Variants in FLCN observed in about 807,000 individuals in gnomAD.
FLCN encodes the protein BHD skin lesion fibrofolliculoma protein.
FLCN carries 22 observed loss-of-function variants against 62.5 expected under a neutral mutation model. The observed-to-expected ratio is 0.35, with a 90% CI of 0.25 to 0.50. The LOEUF is 0.50. FLCN is among the 20% of genes least tolerant of loss of function. The pLI is 0.97. For synonymous variants in FLCN, 319 were observed against 310.0 expected (o/e 1.03, Z -0.30); for missense variants, 657 against 778.0 (o/e 0.84, Z 1.85).
chr17:17,215,150 C>T, intron 12 of FLCN, 35 bp downstream of exon 12: 1 of 1,614,042 alleles, frequency 6.2e-7, no homozygotes, highest in East Asian at 2.2e-5. Context: ...GGGGCATCTT[C>T]TCACAAAAAG....
intron 13 of FLCN, among the ~76,000 whole-genome samples, chr17:17,214,322 G>A (rs1259985937): frequency 2.0e-5 from 3 of 151,738 alleles, no homozygotes; most frequent in South Asian, 2.1e-4. Flanking sequence ...GGGGCCAGGT[G>A]CAGTGGCTCA....
At chr17:17,219,359 C>A in intron 8 of FLCN, 150 bp from the exon 9 acceptor site, 1 of 442,450 alleles carries the variant, frequency 2.3e-6, no homozygotes, top group Admixed American at 2.4e-5. Flanking sequence ...TCTGGGAGCC[C>A]TGGGGTGGGA....
In FLCN at chr17:17,228,126, G is replaced by A. The variant is rs752123350; in HGVS notation, c.12C>T (p.Ile4=). 33 of 1,612,944 alleles carry A rather than the reference G, an allele frequency of 2.0e-5. No individual in the cohort carries two copies. Among genetic ancestry groups the A allele is most frequent in the Middle Eastern group, 1.6e-4 (1 of 6,062 alleles). MNA[I]VALCHFCELH... is the part of the protein sequence containing the mutation. The stretch of plus-strand genomic sequence containing the variant: ...GCTCGCAGAAGTGGCAGAGAGCCAC[G>A]ATGGCATTCATGGTGCCTTGGAGAC... The change falls in exon 4 of 14, where the codon ATC becomes ATT. Residue 4 remains isoleucine (I), a synonymous_variant. Coordinates refer to ENST00000285071, the MANE Select transcript of FLCN (RefSeq NM_144997.7).
chr17:17,219,990 G>GCCCTTCCTC (rs1429931672), intron 8 of FLCN: 1 of 152,142 alleles, frequency 6.6e-6, no homozygotes, highest in African/African-American at 2.4e-5. Flanking sequence ...AAGCATTTCA[G>GCCCTTCCTC]CCCTTCCTCC....
chr17:17,214,951 C>A, intron 13 of FLCN, 34 bp downstream of exon 13: 1 of 1,604,036 alleles, frequency 6.2e-7, no homozygotes, highest in Non-Finnish European at 8.5e-7. Context: ...TCCAGGGTCG[C>A]AAGCAAAGGG....
chr17:17,219,749 T>C (rs2047036297), intron 8 of FLCN: 1 of 160,132 alleles, frequency 6.2e-6, no homozygotes, highest in Non-Finnish European at 1.4e-5. Context: ...TTTTTTGGTA[T>C]TTTTAGTAGA....
chr17:17,234,152 G>A (rs903498967), intron 1 of FLCN, among the ~76,000 whole-genome samples: 1 of 151,424 alleles, frequency 6.6e-6, no homozygotes, highest in Non-Finnish European at 1.5e-5. Context: ...CAGAGGCAAC[G>A]CTGACAAGCC....
At chr17:17,228,263 TC>T in intron 3 of FLCN, 102 bp from the exon 4 acceptor site, 1 of 1,442,942 alleles carries the variant, frequency 6.9e-7, no homozygotes, top group African/African-American at 1.4e-5. Flanking sequence ...GCCATGGACT[TC>T]CTGCCCAGGA....
chr17:17,217,224 A>G (rs1359395964), intron 9 of FLCN, 42 bp from the exon 10 acceptor site: 11 of 1,344,172 alleles, frequency 8.2e-6, no homozygotes, highest in Non-Finnish European at 1.2e-5. Context: ...ACTAGTAGAA[A>G]TGGTTTTTCT....
intron 6 of FLCN, among the ~76,000 whole-genome samples, chr17:17,223,289 C>T (rs1039380983): frequency 1.3e-5 from 2 of 152,202 alleles, no homozygotes; most frequent in African/African-American, 4.8e-5. Context: ...GACGGGGTTT[C>T]TCCATGTTGG....
In FLCN at chr17:17,216,475, A is replaced by G. The variant is rs1597584543; in HGVS notation, c.1205T>C (p.Ile402Thr). 6.2e-7 allele frequency: 1 copy of G among 1,613,834 alleles called. No homozygotes were observed. The highest frequency in any genetic ancestry group is 8.5e-7 in the Non-Finnish European group (1 of 1,179,896). Residue 402 changes from isoleucine to threonine, a missense_variant, in exon 11 of 14, where the codon ATC (isoleucine) becomes ACC (threonine). Physicochemically the swap from Ile to Thr is moderately conservative, Grantham distance 89. Coordinates refer to ENST00000285071, the MANE Select transcript of FLCN (RefSeq NM_144997.7). This position sits in a 1 kb window ranked among gnomAD's most constrained non-coding sequence, Gnocchi z 4.0. ...CTCGTACTGGCTGCTGTATGGGATGATGCGGACGCAGCCCACGGGAAGCAT... is the reference window on the plus strand; with the variant it reads ...CTCGTACTGGCTGCTGTATGGGATGGTGCGGACGCAGCCCACGGGAAGCAT... ...RTMLPVGCVR[I>T]IPYSSQYEEA... is the part of the protein sequence containing the mutation.
chr17:17,217,028 T>C (rs2046946116), intron 10 of FLCN, 41 bp downstream of exon 10: 1 of 1,445,610 alleles, frequency 6.9e-7, no homozygotes, highest in African/African-American at 1.4e-5. Context: ...ACCAGGCCAA[T>C]ACTGCCCTGC....
chr17:17,225,949 G>A (rs994730355), intron 5 of FLCN: 9 of 669,474 alleles, frequency 1.3e-5, no homozygotes, highest in Admixed American at 4.7e-5. Context: ...TGCTTAAAGT[G>A]CAAAAGCTAG....
Position 17,215,191 on chromosome 17 carries a change from C to T in FLCN, c.1426G>A (p.Asp476Asn). The change falls in exon 12 of 14, where the codon GAC (aspartate) becomes AAC (asparagine). Residue 476 changes from aspartate (D) to asparagine (N), a missense_variant. Asp to Asn is a conservative substitution (Grantham distance 23). Transcript: ENST00000285071. ...TCTGCCTGGGGGCACCCACCTCGGT[C>T]TGCAGCTACAGGGCTCCCACTGGTC... ...VVTSGSPVAA[D>N]RVGPTILNKI... 4 of 1,614,156 alleles carry T rather than the reference C, an allele frequency of 2.5e-6. No individual in the cohort carries two copies. Among genetic ancestry groups the T allele is most frequent in the Non-Finnish European group, 3.4e-6 (4 of 1,180,030 alleles).
chr17:17,234,240 C>A (rs1219588935), intron 1 of FLCN, among the ~76,000 whole-genome samples: 1 of 138,236 alleles, frequency 7.2e-6, no homozygotes, highest in Non-Finnish European at 1.6e-5. Context: ...GCGGAAGGGT[C>A]TCATTCTGTT....
At chr17:17,221,908 T>C (rs1448989700) in intron 7 of FLCN, among the ~76,000 whole-genome samples, 1 of 152,120 alleles carries the variant, frequency 6.6e-6, no homozygotes, top group Non-Finnish European at 1.5e-5. Context: ...TGCAGTCACT[T>C]GTGAGACAAA....
Position 17,214,965 on chromosome 17 carries a change from T to A in FLCN, c.1538+20A>T. On this transcript the variant is annotated intron_variant, in intron 13 of 13. Transcript: ENST00000285071. ...CTCCAGGGTCGCAAGCAAAGGGGCC[T>A]CACCCACACTGTTGCTTACTTCATC... 3 of 1,610,558 alleles carry A rather than the reference T, an allele frequency of 1.9e-6. No individual in the cohort carries two copies. The highest frequency in any genetic ancestry group is 2.5e-6 in the Non-Finnish European group (3 of 1,177,316).
intron 6 of FLCN, 101 bp downstream of exon 6, chr17:17,223,814 TAAGCAGA>T (rs1031671539): frequency 4.5e-6 from 5 of 1,114,096 alleles, no homozygotes; most frequent in Non-Finnish European, 6.7e-6. Context: ...GCACTGGCTG[TAAGCAGA>T]GGGGAAGACG....
At position 17,216,332 on chromosome 17, in the gene FLCN, G is replaced by A. The variant is rs565858485; in HGVS notation, c.1300+48C>T. Reference sequence around the variant, plus strand: ...GGTTCCACTTTGGGCCTGAGGCGTGGGGAACCTCAGCGCAGGGCATGGCCC... The same window carrying A: ...GGTTCCACTTTGGGCCTGAGGCGTGAGGAACCTCAGCGCAGGGCATGGCCC... On this transcript the variant is annotated intron_variant, in intron 11 of 13. Transcript: ENST00000285071. This position sits in a 1 kb window ranked among gnomAD's most constrained non-coding sequence, Gnocchi z 4.0. The A allele has an allele frequency of 1.2e-6, 2 of 1,609,680 alleles. No homozygotes were observed. The highest frequency in any genetic ancestry group is 1.1e-5 in the South Asian group (1 of 90,786).
Sources: gnomAD v4.1 joint callset for allele counts (sites outside exome capture counted in the v4.1 genomes callset) on GRCh38, gnomAD v4.1.1 for gene constraint, Gnocchi (gnomAD v3.1) non-coding constraint, MANE v1.5 for transcripts, NCBI Gene and HGNC (gene_info 2026-07-23, HGNC 2026-07-21) for gene names.